DOCK11: variants seen among roughly 807,000 people sequenced by gnomAD.
DOCK11 encodes the protein dedicator of cytokinesis protein 11.
A neutral mutation model predicts 169.1 loss-of-function variants in DOCK11; 70 were observed. The observed-to-expected ratio is 0.41, with a 90% CI of 0.34 to 0.51. The LOEUF (loss-of-function observed/expected upper bound fraction) is 0.51, where lower values mean the gene tolerates loss of function less well. Among genes scored for constraint, DOCK11 ranks in the 20% least tolerant of loss-of-function variants. The pLI, the probability that DOCK11 is intolerant of heterozygous loss-of-function variation, is 0.10. For missense variants in DOCK11, 1,166 were observed against 1,538.8 expected (o/e 0.76, Z 4.05); for synonymous variants, 529 against 541.3 (o/e 0.98, Z 0.32).
rs867702398 is a variant in DOCK11, at chrX:118,651,903, T to G, written c.4582-61T>G. The G allele has an allele frequency of 5.1e-6, 4 of 788,673 alleles. No individual in the cohort carries two copies. In the African/African-American group the frequency reaches 8.3e-5, roughly 16 times the overall value. 65.0% of individuals were successfully genotyped at this position (788,673 alleles called of 1,213,427 possible). On this transcript the variant is annotated intron_variant, in intron 41 of 52. Transcript: ENST00000276202. ...GAGTGCTTATATACTTATAAAATGA[T>G]GAGCATAGACAGCATTTGTTCAAAA... is the stretch of plus-strand genomic sequence containing the variant.
intron 1 of DOCK11, among the ~76,000 whole-genome samples, chrX:118,521,752 T>C (rs1263133135): frequency 8.9e-6 from 1 of 112,060 alleles, no homozygotes; most frequent in African/African-American, 3.2e-5. Context: ...ATCCTACTTA[T>C]TTTTCACAAC....
chrX:118,673,191 T>C (rs1400347563), intron 46 of DOCK11, among the ~76,000 whole-genome samples: 1 of 112,210 alleles, frequency 8.9e-6, no homozygotes, highest in Non-Finnish European at 1.9e-5. Context: ...AAGAAAAATA[T>C]ATCTTCTTTA....
At chrX:118,624,952 G>T (rs1209273475) in intron 32 of DOCK11, among the ~76,000 whole-genome samples, 1 of 107,305 alleles carries the variant, frequency 9.3e-6, no homozygotes, top group Non-Finnish European at 1.9e-5. Context: ...CAGAGACAGG[G>T]TCTCACTGTG....
rs932100010 is a variant in DOCK11, at chrX:118,671,097, G to C, written c.5151G>C (p.Glu1717Asp). The change falls in exon 46 of 53, where the codon GAG becomes GAC. Residue 1717 changes from glutamate to aspartate, a missense_variant. Glu to Asp is a conservative substitution (Grantham distance 45). Coordinates refer to ENST00000276202, the MANE Select transcript of DOCK11 (RefSeq NM_144658.4). ...CAGAACGTTATGAAATAATTTCTGA[G>C]ATTTCCAAGTTGATCGTTCCAATTT... ...WKAERYEIISEISKLIVPIYE... is the reference protein window; with the variant it reads ...WKAERYEIISDISKLIVPIYE... 1.7e-6 allele frequency: 2 copies of C among 1,205,250 alleles called. No homozygotes were observed. Among genetic ancestry groups the C allele is most frequent in the African/African-American group, 3.5e-5 (2 of 57,321 alleles).
chrX:118,503,074 CTTTT>C lies in DOCK11; in HGVS notation c.102+7014_102+7017del, dbSNP rs767017269. 9.9e-5 allele frequency among the ~76,000 whole-genome samples: 9 copies of C among 90,770 alleles called. No individual in the cohort carries two copies. In the South Asian group the frequency reaches 1.6e-3, roughly 16 times the overall value. 78.8% of individuals were successfully genotyped at this position (90,770 alleles called of 115,157 possible). On this transcript the variant is annotated intron_variant, in intron 1 of 52. Coordinates refer to ENST00000276202, the MANE Select transcript of DOCK11 (RefSeq NM_144658.4). ...TAGTTCTGGAGAGAGATAACAAAGG[CTTTT>C]TTTTTTTTTTTTGAAATGGAGTTTC...
intron 1 of DOCK11, among the ~76,000 whole-genome samples, chrX:118,520,997 C>T (rs912236194): frequency 8.9e-6 from 1 of 111,739 alleles, no homozygotes; most frequent in Non-Finnish European, 1.9e-5. Flanking sequence ...GCCCTCTCCA[C>T]ATCTCCCATC....
chrX:118,523,894 G>T (rs1015412143), intron 1 of DOCK11, among the ~76,000 whole-genome samples: 4 of 111,334 alleles, frequency 3.6e-5, no homozygotes, highest in Non-Finnish European at 7.5e-5. Flanking sequence ...CCTCCGAGAT[G>T]GAACTGAACT....
At chrX:118,583,444 T>TAC (rs1292859602) in intron 14 of DOCK11, among the ~76,000 whole-genome samples, 1 of 110,638 alleles carries the variant, frequency 9.0e-6, no homozygotes, top group African/African-American at 3.3e-5. Flanking sequence ...ACTTTATATA[T>TAC]ACACACATAT....
intron 1 of DOCK11, among the ~76,000 whole-genome samples, chrX:118,514,927 CT>C (rs1325193771): frequency 8.9e-6 from 1 of 111,946 alleles, no homozygotes; most frequent in African/African-American, 3.2e-5. Flanking sequence ...ATTGGGTGGC[CT>C]AAAACAAGTT....
intron 1 of DOCK11, among the ~76,000 whole-genome samples, chrX:118,532,798 A>AG (rs1244483202): frequency 9.4e-6 from 1 of 105,897 alleles, no homozygotes; most frequent in African/African-American, 3.4e-5. Flanking sequence ...AAAAAAAAAA[A>AG]GAAGGTGTGC....
At chrX:118,561,269 A>T in intron 6 of DOCK11, 114 bp from the exon 7 acceptor site, 1 of 673,228 alleles carries the variant, frequency 1.5e-6, no homozygotes, top group Non-Finnish European at 2.1e-6. Flanking sequence ...GGGTTGTCTG[A>T]AGATTGTCCA....
intron 27 of DOCK11, 104 bp from the exon 28 acceptor site, chrX:118,610,168 A>G: frequency 3.8e-6 from 3 of 790,374 alleles, no homozygotes; most frequent in Non-Finnish European, 3.8e-6. Flanking sequence ...ATTATACATC[A>G]GTTTTAAGAT....
At chrX:118,596,359 T>C (rs1476036283) in intron 20 of DOCK11, among the ~76,000 whole-genome samples, 1 of 112,412 alleles carries the variant, frequency 8.9e-6, no homozygotes, top group Non-Finnish European at 1.9e-5. Context: ...AGAGAAGCAA[T>C]GTTTTAGTCT....
Position 118,654,600 on chromosome X carries a change from A to T in DOCK11, c.4696-2A>T. On this transcript the variant is annotated splice_acceptor_variant, in intron 42 of 52. Coordinates refer to ENST00000276202, the MANE Select transcript of DOCK11 (RefSeq NM_144658.4). LOFTEE classifies it high-confidence loss of function. ...TGTCTTTTTTGTTTGTTTTGAAATT[A>T]GGCAACTGCCTTTCCCGCAGAAGTC... is the stretch of plus-strand genomic sequence containing the variant. 1 of 1,209,444 alleles carries T rather than the reference A, an allele frequency of 8.3e-7. No homozygotes were observed. Among genetic ancestry groups the T allele is most frequent in the Non-Finnish European group, 1.1e-6 (1 of 894,136 alleles).
intron 6 of DOCK11, among the ~76,000 whole-genome samples, chrX:118,546,705 T>C (rs1256341678): frequency 8.9e-6 from 1 of 111,845 alleles, no homozygotes. Flanking sequence ...AGGATAAAAT[T>C]GGGCTGGGTG....
At chrX:118,556,021 A>G (rs149873302) in intron 6 of DOCK11, among the ~76,000 whole-genome samples, 40 of 106,931 alleles carry the variant, frequency 3.7e-4, no homozygotes, top group African/African-American at 1.3e-3. Context: ...ATAAAATGAT[A>G]AAAGGTTTTC....
chrX:118,678,279 A>G (rs920610176), intron 48 of DOCK11, among the ~76,000 whole-genome samples: 1 of 111,501 alleles, frequency 9.0e-6, no homozygotes, highest in Non-Finnish European at 1.9e-5. Flanking sequence ...ATATAAATGT[A>G]TATGTTTAAA....
At chrX:118,579,950 A>G (rs2013571453) in intron 13 of DOCK11, 147 bp from the exon 14 acceptor site, 2 of 415,365 alleles carry the variant, frequency 4.8e-6, no homozygotes, top group African/African-American at 2.5e-5. Flanking sequence ...TGGCTGGCTG[A>G]TGCATGTTAT....
At chrX:118,656,143 T>C (rs969197877) in intron 44 of DOCK11, among the ~76,000 whole-genome samples, 1 of 110,090 alleles carries the variant, frequency 9.1e-6, no homozygotes, top group East Asian at 2.8e-4. Flanking sequence ...ATACAAAAAT[T>C]AGCTGGGCAT....
Sources: gnomAD v4.1 joint callset for allele counts (sites outside exome capture counted in the v4.1 genomes callset) on GRCh38, gnomAD v4.1.1 for gene constraint, MANE v1.5 for transcripts, NCBI Gene and HGNC (gene_info 2026-07-23, HGNC 2026-07-21) for gene names.